Variants in TOP1 observed in about 807,000 individuals in gnomAD.
TOP1 encodes the protein DNA topoisomerase 1.
Under a neutral mutation model 111.1 loss-of-function variants are expected in TOP1, and 10 were observed. The observed-to-expected ratio is 0.09, with a 90% confidence interval of 0.06 to 0.15. The LOEUF (loss-of-function observed/expected upper bound fraction) is 0.15. Ranked by LOEUF, TOP1 falls within the 10% of genes least tolerant of loss-of-function variation. The pLI is 1.00. For missense variants in TOP1, 474 were observed against 926.7 expected (o/e 0.51, Z 6.34); for synonymous variants, 271 against 302.9 (o/e 0.89, Z 1.10).
At chr20:41,088,965 C>G (rs1050232112) in intron 8 of TOP1, among the ~76,000 whole-genome samples, 6 of 149,720 alleles carry the variant, frequency 4.0e-5, no homozygotes, top group African/African-American at 1.2e-4. Flanking sequence ...CTACATCTTG[C>G]AAAACTGAAA....
In TOP1 at chr20:41,067,107, A is replaced by C. The variant is rs560918620; in HGVS notation, c.155+5617A>C. On this transcript the variant is annotated intron_variant, in intron 3 of 20. Transcript: ENST00000361337. This position sits in a 1 kb window ranked among gnomAD's most constrained non-coding sequence, Gnocchi z 4.0. Reference sequence around the variant, plus strand: ...GCAACAAAGCAAGGATATTGGTTATATTCCAGTAAAATTATTTTATTATTT... The same window carrying C: ...GCAACAAAGCAAGGATATTGGTTATCTTCCAGTAAAATTATTTTATTATTT... 5.3e-5 allele frequency among the ~76,000 whole-genome samples: 8 copies of C among 152,222 alleles called. No homozygotes were observed. Among genetic ancestry groups the C allele is most frequent in the Admixed American group, 5.2e-4 (8 of 15,288 alleles).
At chr20:41,093,946 G>T (rs952707340) in intron 9 of TOP1, among the ~76,000 whole-genome samples, 1 of 152,124 alleles carries the variant, frequency 6.6e-6, no homozygotes, top group Non-Finnish European at 1.5e-5. Flanking sequence ...CCAGCTACTC[G>T]GGAGGCTAAG....
chr20:41,086,664 A>G (rs1023191310), intron 8 of TOP1, among the ~76,000 whole-genome samples: 4 of 152,188 alleles, frequency 2.6e-5, no homozygotes, highest in Admixed American at 2.0e-4. Flanking sequence ...AATCCTTATC[A>G]GTGTTGCCAC....
chr20:41,080,316 G>T lies in TOP1; in HGVS notation c.431+136G>T, dbSNP rs139142313. 7 of 567,044 alleles carry T rather than the reference G, an allele frequency of 1.2e-5. No individual in the cohort carries two copies. In the East Asian group the frequency reaches 1.2e-4, roughly 10 times the overall value. The allele number at this position is 567,044 out of a possible 1,614,324, so 35.1% of individuals were successfully genotyped here. On this transcript the variant is annotated intron_variant, in intron 6 of 20. Coordinates refer to ENST00000361337, the MANE Select transcript of TOP1 (RefSeq NM_003286.4). The surrounding 1 kb of genome is among the most constrained non-coding windows in gnomAD (Gnocchi z 5.0). ...ACTCATTTGGAATTTGTGATTAATG[G>T]ACTGATTTCTCTGAACTATGAGAAG...
chr20:41,066,557 CTTT>C (rs776922601), intron 3 of TOP1, among the ~76,000 whole-genome samples: 3 of 129,392 alleles, frequency 2.3e-5, no homozygotes, highest in African/African-American at 5.8e-5. Flanking sequence ...CTTTTCTTTT[CTTT>C]TTTTTTTTTT....
Position 41,061,752 on chromosome 20 carries a change from A to G in TOP1, c.155+262A>G, listed in dbSNP as rs1316853185. On this transcript the variant is annotated intron_variant, in intron 3 of 20. Coordinates refer to ENST00000361337, the MANE Select transcript of TOP1 (RefSeq NM_003286.4). The surrounding 1 kb of genome is among the most constrained non-coding windows in gnomAD (Gnocchi z 4.6). The stretch of plus-strand genomic sequence containing the variant: ...ATTAAAAATACAGTTGTTCACTAAG[A>G]TAGGTAAGGATTCATTGTGACACAT... Among the ~76,000 whole-genome samples the G allele has an allele frequency of 6.6e-6, 1 of 152,170 alleles. No individual in the cohort carries two copies. Among genetic ancestry groups the G allele is most frequent in the Non-Finnish European group, 1.5e-5 (1 of 68,020 alleles).
intron 9 of TOP1, among the ~76,000 whole-genome samples, chr20:41,093,938 A>G (rs2033950614): frequency 6.6e-6 from 1 of 152,158 alleles, no homozygotes; most frequent in Non-Finnish European, 1.5e-5. Context: ...CTGTAGTCCC[A>G]GCTACTCGGG....
At chr20:41,108,206 C>T (rs2034178209) in intron 13 of TOP1, among the ~76,000 whole-genome samples, 1 of 152,176 alleles carries the variant, frequency 6.6e-6, no homozygotes, top group South Asian at 2.1e-4. Context: ...GAGATGTCTC[C>T]TATTCTAAGA....
chr20:41,076,877 G>A (rs1568686741), intron 4 of TOP1, among the ~76,000 whole-genome samples: 1 of 152,248 alleles, frequency 6.6e-6, no homozygotes, highest in South Asian at 2.1e-4. Context: ...CTTCTCAGAG[G>A]CAACCGCTAT....
chr20:41,066,557 C>CTT (rs776922601), intron 3 of TOP1, among the ~76,000 whole-genome samples: 1,554 of 129,362 alleles, frequency 0.012, 39 homozygotes, highest in African/African-American at 0.035. Context: ...CTTTTCTTTT[C>CTT]TTTTTTTTTT....
chr20:41,044,551 G>A (rs1274298920), intron 2 of TOP1, among the ~76,000 whole-genome samples: 1 of 152,230 alleles, frequency 6.6e-6, no homozygotes, highest in East Asian at 1.9e-4. Flanking sequence ...CTGTGCAGAA[G>A]CAGGCTGCTT....
At position 41,080,351 on chromosome 20, in the gene TOP1, C is replaced by A. The variant is rs1383792467; in HGVS notation, c.431+171C>A. Among the ~76,000 whole-genome samples, 3 of 152,004 alleles carry A rather than the reference C, an allele frequency of 2.0e-5. No individual in the cohort carries two copies. The highest frequency in any genetic ancestry group is 7.2e-5 in the African/African-American group (3 of 41,386). On this transcript the variant is annotated intron_variant, in intron 6 of 20. Transcript: ENST00000361337. This position sits in a 1 kb window ranked among gnomAD's most constrained non-coding sequence, Gnocchi z 5.0. ...TCTGAACTATGAGAAGTAGAGTTTG[C>A]TAAACAAGTAGTATACCCAAGGCTT...
At chr20:41,047,729 T>C (rs905668783) in intron 2 of TOP1, among the ~76,000 whole-genome samples, 3 of 152,226 alleles carry the variant, frequency 2.0e-5, no homozygotes, top group African/African-American at 4.8e-5. Flanking sequence ...GTGTATTTAG[T>C]ACCTGGCCCT....
rs941604272 is a variant in TOP1, at chr20:41,118,943, T to C, written c.1950+647T>C. The stretch of plus-strand genomic sequence containing the variant: ...CTTTTAAACCATAAGGCACTTAACA[T>C]TTGATGATGAACATTTTTGTGTTAG... On this transcript the variant is annotated intron_variant, in intron 18 of 20. Coordinates refer to ENST00000361337, the MANE Select transcript of TOP1 (RefSeq NM_003286.4). The surrounding 1 kb of genome is among the most constrained non-coding windows in gnomAD (Gnocchi z 4.6). Among the ~76,000 whole-genome samples, 3 of 152,190 alleles carry C rather than the reference T, an allele frequency of 2.0e-5. No homozygotes were observed. The highest frequency in any genetic ancestry group is 4.4e-5 in the Non-Finnish European group (3 of 68,038).
rs1319424278 is a variant in TOP1, at chr20:41,080,293, T to G, written c.431+113T>G. 3.7e-5 allele frequency: 23 copies of G among 629,218 alleles called. No individual in the cohort carries two copies. In the East Asian group the frequency reaches 6.6e-4, roughly 18 times the overall value. The allele number at this position is 629,218 out of a possible 1,614,324, so 39.0% of individuals were successfully genotyped here. ...AGAAACTGCATTAATTGGCTTTTAC[T>G]CATTTGGAATTTGTGATTAATGGAC... On this transcript the variant is annotated intron_variant, in intron 6 of 20. Coordinates refer to ENST00000361337, the MANE Select transcript of TOP1 (RefSeq NM_003286.4). This position sits in a 1 kb window ranked among gnomAD's most constrained non-coding sequence, Gnocchi z 5.0.
intron 2 of TOP1, among the ~76,000 whole-genome samples, chr20:41,060,579 A>G (rs1334103126): frequency 6.6e-6 from 1 of 152,100 alleles, no homozygotes; most frequent in Non-Finnish European, 1.5e-5. Context: ...TCTTTATTGT[A>G]GTGGGGATTG....
intron 3 of TOP1, among the ~76,000 whole-genome samples, chr20:41,075,292 C>T (rs1236676690): frequency 2.6e-5 from 4 of 152,222 alleles, no homozygotes; most frequent in Non-Finnish European, 5.9e-5. Flanking sequence ...CTGCCTCAGC[C>T]TCCCGAGTAG....
chr20:41,077,904 C>T (rs2145936255), intron 5 of TOP1, among the ~76,000 whole-genome samples: 1 of 150,024 alleles, frequency 6.7e-6, no homozygotes, highest in Admixed American at 6.6e-5. Context: ...TGAGATTTGA[C>T]TTGCATATCA....
chr20:41,072,733 A>G, intron 3 of TOP1: 1 of 985,452 alleles, frequency 1.0e-6, no homozygotes, highest in Non-Finnish European at 1.2e-6. Context: ...GCACCTGACA[A>G]GTAGGGATGA....
Sources: gnomAD v4.1 joint callset for allele counts (sites outside exome capture counted in the v4.1 genomes callset) on GRCh38, gnomAD v4.1.1 for gene constraint, Gnocchi (gnomAD v3.1) non-coding constraint, MANE v1.5 for transcripts, NCBI Gene and HGNC (gene_info 2026-07-23, HGNC 2026-07-21) for gene names.